Variants in SEMA3E observed in about 807,000 individuals in gnomAD.
The protein encoded by SEMA3E is semaphorin-3E.
SEMA3E carries 49 observed loss-of-function variants against 93.6 expected under a neutral mutation model. The ratio of observed to expected loss-of-function variants is 0.52; its 90% CI spans 0.42 to 0.66. The LOEUF (loss-of-function observed/expected upper bound fraction) is 0.66. Among genes scored for constraint, SEMA3E ranks in the 30% least tolerant of loss-of-function variants. The pLI is 0.00. For missense variants in SEMA3E, 906 were observed against 964.8 expected, an observed-to-expected ratio of 0.94 and a Z score of 0.81; for synonymous variants, 363 against 330.7, an observed-to-expected ratio of 1.10 and a Z score of -1.06.
chr7:83,403,185 A>C (rs1294649980), intron 9 of SEMA3E, among the ~76,000 whole-genome samples: 1 of 151,886 alleles, frequency 6.6e-6, no homozygotes, highest in African/African-American at 2.4e-5. Context: ...CCTCTTACTC[A>C]CTATGCTGTT....
chr7:83,548,759 C>T (rs139211670), intron 1 of SEMA3E, among the ~76,000 whole-genome samples: 178 of 152,212 alleles, frequency 1.2e-3, no homozygotes, highest in African/African-American at 3.9e-3. Flanking sequence ...AAATACACCA[C>T]GCAGCCTTTT....
chr7:83,508,481 C>T (rs1001401441), intron 1 of SEMA3E, among the ~76,000 whole-genome samples: 13 of 152,072 alleles, frequency 8.5e-5, no homozygotes, highest in African/African-American at 3.1e-4. Context: ...AGGCTGGTCT[C>T]GAACTCCCAA....
chr7:83,454,822 C>T (rs555246229), intron 4 of SEMA3E, among the ~76,000 whole-genome samples: 6 of 152,296 alleles, frequency 3.9e-5, no homozygotes, highest in African/African-American at 1.4e-4. Context: ...AAGGCAAGAA[C>T]ATTATGTCTA....
chr7:83,469,409 T>C, intron 2 of SEMA3E, 107 bp from the exon 3 acceptor site: 1 of 720,724 alleles, frequency 1.4e-6, no homozygotes. Flanking sequence ...TTTTTTTTTT[T>C]TTTCTGTTTT....
chr7:83,441,753 A>G (rs1441743130), intron 4 of SEMA3E, among the ~76,000 whole-genome samples: 1 of 146,356 alleles, frequency 6.8e-6, no homozygotes, highest in African/African-American at 2.4e-5. Context: ...GCCTACAGGT[A>G]TGGATACACA....
In SEMA3E at chr7:83,588,378, T is replaced by TA. The variant is rs1040435782; in HGVS notation, c.115+60049dup. On this transcript the variant is annotated intron_variant, in intron 1 of 16. Transcript: ENST00000643230. ...CCTGGTGGCAGAGCAAGACTCTGTC[T>TA]AAAAAAAAAAAGAAGAAGAAGAAGA... Among the ~76,000 whole-genome samples the TA allele has an allele frequency of 9.3e-3, 1,338 of 144,456 alleles. 12 individuals carry two copies. The highest frequency in any genetic ancestry group is 0.028 in the African/African-American group (1,100 of 39,554). The allele number at this position is 144,456 out of a possible 152,430, so 94.8% of individuals were successfully genotyped here.
intron 2 of SEMA3E, among the ~76,000 whole-genome samples, chr7:83,483,167 T>C (rs1401744876): frequency 6.6e-6 from 1 of 151,984 alleles, no homozygotes; most frequent in East Asian, 1.9e-4. Context: ...CTAACTGAAA[T>C]TTAGCATTTC....
chr7:83,575,660 TA>T (rs1175137909), intron 1 of SEMA3E, among the ~76,000 whole-genome samples: 2 of 152,168 alleles, frequency 1.3e-5, no homozygotes. Context: ...CACTGGTCAT[TA>T]AATCGTATTG....
At chr7:83,583,181 A>G (rs972752000) in intron 1 of SEMA3E, among the ~76,000 whole-genome samples, 1 of 152,156 alleles carries the variant, frequency 6.6e-6, no homozygotes, top group African/African-American at 2.4e-5. Flanking sequence ...GACTACATGG[A>G]GTTAAACTGA....
At chr7:83,623,832 C>T (rs1322581504) in intron 1 of SEMA3E, among the ~76,000 whole-genome samples, 1 of 151,886 alleles carries the variant, frequency 6.6e-6, no homozygotes, top group Non-Finnish European at 1.5e-5. Context: ...CCCATCAACC[C>T]ATCATCTACA....
At chr7:83,403,465 G>A (rs2115631284) in intron 9 of SEMA3E, among the ~76,000 whole-genome samples, 1 of 151,980 alleles carries the variant, frequency 6.6e-6, no homozygotes, top group South Asian at 2.1e-4. Context: ...ACAGTATAAA[G>A]GCAGTAGTTG....
chr7:83,589,741 A>G (rs936852993), intron 1 of SEMA3E, among the ~76,000 whole-genome samples: 4 of 152,078 alleles, frequency 2.6e-5, no homozygotes, highest in Non-Finnish European at 4.4e-5. Flanking sequence ...TGTATTTTAC[A>G]CTCTATGGCA....
intron 1 of SEMA3E, among the ~76,000 whole-genome samples, chr7:83,540,436 T>C (rs1392138407): frequency 1.3e-5 from 2 of 152,196 alleles, no homozygotes; most frequent in Admixed American, 1.3e-4. Context: ...TAAGAACATA[T>C]ATGATTAAAA....
At chr7:83,477,993 T>C (rs1790054554) in intron 2 of SEMA3E, among the ~76,000 whole-genome samples, 1 of 151,996 alleles carries the variant, frequency 6.6e-6, no homozygotes, top group African/African-American at 2.4e-5. Flanking sequence ...CAATCTCGGC[T>C]CACTGCAACC....
chr7:83,563,770 C>T (rs1792084048), intron 1 of SEMA3E, among the ~76,000 whole-genome samples: 1 of 152,086 alleles, frequency 6.6e-6, no homozygotes, highest in Non-Finnish European at 1.5e-5. Flanking sequence ...AAATGATTCT[C>T]TCCTCTCCAT....
chr7:83,493,755 A>T (rs1221602724), intron 1 of SEMA3E, among the ~76,000 whole-genome samples: 2 of 151,900 alleles, frequency 1.3e-5, no homozygotes, highest in African/African-American at 4.8e-5. Context: ...GAGTTTATGA[A>T]TGCCATGGTT....
At chr7:83,573,805 A>G (rs955754486) in intron 1 of SEMA3E, among the ~76,000 whole-genome samples, 1 of 151,944 alleles carries the variant, frequency 6.6e-6, no homozygotes, top group Non-Finnish European at 1.5e-5. Context: ...TATATATCAG[A>G]TACTATACTC....
chr7:83,636,194 C>G (rs1437958071), intron 1 of SEMA3E, among the ~76,000 whole-genome samples: 1 of 152,136 alleles, frequency 6.6e-6, no homozygotes, highest in Non-Finnish European at 1.5e-5. Context: ...TAATAATTTA[C>G]AGATATTTTC....
chr7:83,626,461 C>T (rs962402156), intron 1 of SEMA3E, among the ~76,000 whole-genome samples: 2 of 152,068 alleles, frequency 1.3e-5, no homozygotes, highest in African/African-American at 4.8e-5. Context: ...GGAATTTATC[C>T]ATTTTTTTCT....
Sources: allele counts gnomAD v4.1 joint callset (sites outside exome capture counted in the v4.1 genomes callset), GRCh38; gene constraint gnomAD v4.1.1; transcripts MANE v1.5; gene names NCBI Gene and HGNC (gene_info 2026-07-23, HGNC 2026-07-21).